ITGA10: variants seen among roughly 807,000 people sequenced by gnomAD.
The protein encoded by ITGA10 is integrin alpha-10.
ITGA10 carries 105 observed loss-of-function variants against 145.2 expected under a neutral mutation model. The observed-to-expected ratio is 0.72, with a 90% CI of 0.62 to 0.85. The LOEUF (loss-of-function observed/expected upper bound fraction) is 0.85. Among genes scored for constraint, ITGA10 ranks in the 40% least tolerant of loss-of-function variants. ITGA10 has a pLI of 0.00. For missense variants in ITGA10, 1,317 were observed against 1,444.5 expected (o/e 0.91, Z 1.43); for synonymous variants, 506 against 557.8 (o/e 0.91, Z 1.31).
Position 145,910,003 on chromosome 1 carries a change from G to T in ITGA10, c.12C>A (p.Pro4=). The stretch of plus-strand genomic sequence containing the variant: ...GGGGCAAGAACAGGTGAGTGACGAA[G>T]GGGAGTTCCATGCCTGATCGGTTTC... MEL[P]FVTHLFLPLV... Residue 4 remains proline (P), a synonymous_variant, in exon 1 of 30, where the codon CCC becomes CCA. Coordinates refer to ENST00000369304, the MANE Select transcript of ITGA10 (RefSeq NM_003637.5). The T allele has an allele frequency of 6.2e-7, 1 of 1,613,188 alleles. No homozygotes were observed. The highest frequency in any genetic ancestry group is 8.5e-7 in the Non-Finnish European group (1 of 1,179,402).
rs781959521 is a variant in ITGA10, at chr1:145,904,753, G to A, written c.540C>T (p.Pro180=). The A allele has an allele frequency of 2.7e-5, 43 of 1,613,724 alleles. No individual in the cohort carries two copies. Among genetic ancestry groups the A allele is most frequent in the Non-Finnish European group, 3.5e-5 (41 of 1,179,758 alleles). ...GTAGGAAGGTCTGAACTTCAGACCAGGGGTAGATGCTGTTGGAGCCATCCA... is the reference window on the plus strand; with the variant it reads ...GTAGGAAGGTCTGAACTTCAGACCAAGGGTAGATGCTGTTGGAGCCATCCA... The part of the protein sequence containing the change: ...IVLDGSNSIY[P]WSEVQTFLRR... The change falls in exon 6 of 30, where the codon CCC becomes CCT. Residue 180 remains proline (P), a synonymous_variant. Coordinates refer to ENST00000369304, the MANE Select transcript of ITGA10 (RefSeq NM_003637.5).
Position 145,897,852 on chromosome 1 carries a change from G to C in ITGA10, c.2395C>G (p.Leu799Val), listed in dbSNP as rs1655656175. The C allele has an allele frequency of 3.1e-6, 5 of 1,614,114 alleles. No homozygotes were observed. The highest frequency in any genetic ancestry group is 4.2e-6 in the Non-Finnish European group (5 of 1,180,014). The change falls in exon 19 of 30, where the codon CTG (leucine) becomes GTG (valine). Residue 799 changes from leucine (L) to valine (V), a missense_variant. Physicochemically the swap from Leu to Val is conservative, Grantham distance 32. Coordinates refer to ENST00000369304, the MANE Select transcript of ITGA10 (RefSeq NM_003637.5). Reference sequence around the variant, plus strand: ...ATGTCCATATTCACTTGAAGCACCAGGTCTGTGACACATTCATTGTCAGGG... The same window carrying C: ...ATGTCCATATTCACTTGAAGCACCACGTCTGTGACACATTCATTGTCAGGG... ...CGPDNECVTDLVLQVNMDIRG... is the reference protein window; with the variant it reads ...CGPDNECVTDVVLQVNMDIRG...
At chr1:145,906,535 C>T in intron 4 of ITGA10, 27 bp from the exon 5 acceptor site, 1 of 1,601,832 alleles carries the variant, frequency 6.2e-7, no homozygotes, top group South Asian at 1.1e-5. Context: ...TAGTTACTCC[C>T]AGGCTTGGGA....
intron 5 of ITGA10, among the ~76,000 whole-genome samples, chr1:145,905,357 G>A (rs1553750710): frequency 6.6e-6 from 1 of 151,516 alleles, no homozygotes; most frequent in Non-Finnish European, 1.5e-5. Flanking sequence ...TCGGCTCACT[G>A]CAAGCTCTGC....
At chr1:145,893,683 G>T in intron 27 of ITGA10, 48 bp from the exon 28 acceptor site, 2 of 1,443,114 alleles carry the variant, frequency 1.4e-6, no homozygotes, top group South Asian at 2.4e-5. Flanking sequence ...CCATTATCAG[G>T]TGATATAGTT....
chr1:145,901,658 G>C lies in ITGA10; in HGVS notation c.1301C>G (p.Ser434Cys). 6.4e-7 allele frequency: 1 copy of C among 1,568,896 alleles called. No individual in the cohort carries two copies. Among genetic ancestry groups the C allele is most frequent in the Non-Finnish European group, 8.6e-7 (1 of 1,159,814 alleles). ...ACCCCGCAAAAGCATGGAAGAAACAGAGTAACCTAGAAGTGGGCAAAGTAA... is the reference window on the plus strand; with the variant it reads ...ACCCCGCAAAAGCATGGAAGAAACACAGTAACCTAGAAGTGGGCAAAGTAA... ...LQNHAAYLGY[S>C]VSSMLLRGGR... is the part of the protein sequence containing the mutation. Residue 434 changes from serine to cysteine, a missense_variant, in exon 12 of 30, where the codon TCT (serine) becomes TGT (cysteine). By Grantham distance (112) the Ser-to-Cys change is moderately radical. Transcript: ENST00000369304. The surrounding 1 kb of genome is among the most constrained non-coding windows in gnomAD (Gnocchi z 4.3).
chr1:145,902,060 T>C (rs782799265), intron 10 of ITGA10, 39 bp from the exon 11 acceptor site: 25 of 1,600,534 alleles, frequency 1.6e-5, no homozygotes, highest in Non-Finnish European at 2.0e-5. Context: ...GAGAAGACAG[T>C]GGGGAATAAA....
In ITGA10 at chr1:145,904,822, G is replaced by T; in HGVS notation, c.482-11C>A. Reference sequence around the variant, plus strand: ...TGTATGTTGGGCAGCCTAGAAGGAAGGAGAACACTGAGGTAGAGGACACTG... The same window carrying T: ...TGTATGTTGGGCAGCCTAGAAGGAATGAGAACACTGAGGTAGAGGACACTG... On this transcript the variant is annotated splice_polypyrimidine_tract_variant and intron_variant, in intron 5 of 29. Coordinates refer to ENST00000369304, the MANE Select transcript of ITGA10 (RefSeq NM_003637.5). 5 of 1,613,394 alleles carry T rather than the reference G, an allele frequency of 3.1e-6. No homozygotes were observed. Among genetic ancestry groups the T allele is most frequent in the Non-Finnish European group, 4.2e-6 (5 of 1,179,464 alleles).
In ITGA10 at chr1:145,897,545, A is replaced by G. The variant is rs1236873593; in HGVS notation, c.2541T>C (p.Ser847=). ...TGAGACTGGCCAGGTGGAGGTTTCT[A>G]GAGAAGATGAGACTCAGGCTCGTAT... The part of the protein sequence containing the change: ...AYNTSLSLIF[S]RNLHLASLTP... The change falls in exon 20 of 30, where the codon TCT becomes TCC. Residue 847 remains serine (S), a synonymous_variant. Transcript: ENST00000369304. 27 of 1,613,996 alleles carry G rather than the reference A, an allele frequency of 1.7e-5. No homozygotes were observed. The highest frequency in any genetic ancestry group is 8.9e-5 in the East Asian group (4 of 44,894).
In ITGA10 at chr1:145,905,108, A is replaced by G. The variant is rs587612084; in HGVS notation, c.482-297T>C. ...TACATAGATATAATTTATATATACA[A>G]TGTTCTAAAAAACAAGAAGGAATTA... is the stretch of plus-strand genomic sequence containing the variant. On this transcript the variant is annotated intron_variant, in intron 5 of 29. Coordinates refer to ENST00000369304, the MANE Select transcript of ITGA10 (RefSeq NM_003637.5). 3.3e-5 allele frequency among the ~76,000 whole-genome samples: 5 copies of G among 152,186 alleles called. No individual in the cohort carries two copies. The East Asian group carries it at 9.6e-4, about 29-fold the overall frequency.
chr1:145,891,985 A>G lies in ITGA10; in HGVS notation c.*813T>C, dbSNP rs1238756534. 1 of 152,396 alleles carries G rather than the reference A, an allele frequency of 6.6e-6. No individual in the cohort carries two copies. Among genetic ancestry groups the G allele is most frequent in the Non-Finnish European group, 1.5e-5 (1 of 68,106 alleles). The allele number at this position is 152,396 out of a possible 1,614,324, so 9.4% of individuals were successfully genotyped here. A position where few individuals can be genotyped will look rare whatever the true frequency, so the allele number is the denominator to read the frequency against. On this transcript the variant is annotated 3_prime_UTR_variant, in exon 30 of 30. Transcript: ENST00000369304. ...GAGAAAATACTGCCTAGGTACACCC[A>G]GTCCTCCCTGCTATTCCAGCTCCAG...
At chr1:145,895,178 G>A (rs587658563) in intron 27 of ITGA10, 102 bp downstream of exon 27, 1 of 757,690 alleles carries the variant, frequency 1.3e-6, no homozygotes, top group South Asian at 1.6e-5. Flanking sequence ...GCTAGTAAGA[G>A]GCAAAAGTGA....
chr1:145,898,052 C>G, intron 18 of ITGA10, 58 bp downstream of exon 18: 2 of 1,388,408 alleles, frequency 1.4e-6, no homozygotes, highest in Non-Finnish European at 2.1e-6. Flanking sequence ...CCCTCCCTCC[C>G]TTTTCTCTTG....
Position 145,891,782 on chromosome 1 carries a change from C to G in ITGA10, c.*1016G>C, listed in dbSNP as rs781876708. 1 of 152,314 alleles carries G rather than the reference C, an allele frequency of 6.6e-6. No homozygotes were observed. Among genetic ancestry groups the G allele is most frequent in the South Asian group, 2.1e-4 (1 of 4,828 alleles). The allele number at this position is 152,314 out of a possible 1,614,324, so 9.4% of individuals were successfully genotyped here. A position where few individuals can be genotyped will look rare whatever the true frequency, so the allele number is the denominator to read the frequency against. ...GCTTGCTCCCCAGAGCCCCATGCCA[C>G]CCATGTAGGTTTCTTAATGCAGACT... is the stretch of plus-strand genomic sequence containing the variant. On this transcript the variant is annotated 3_prime_UTR_variant, in exon 30 of 30. Coordinates refer to ENST00000369304, the MANE Select transcript of ITGA10 (RefSeq NM_003637.5).
chr1:145,896,958 A>T, intron 22 of ITGA10, 53 bp downstream of exon 22: 1 of 1,556,686 alleles, frequency 6.4e-7, no homozygotes, highest in Non-Finnish European at 8.9e-7. Context: ...CCACCCCTCC[A>T]GTCAAGACTC....
At chr1:145,908,845 G>A (rs1553752249) in intron 1 of ITGA10, among the ~76,000 whole-genome samples, 1 of 152,110 alleles carries the variant, frequency 6.6e-6, no homozygotes, top group African/African-American at 2.4e-5. Context: ...CCAGAGTTCT[G>A]ACCACATAGT....
Position 145,897,309 on chromosome 1 carries a change from C to T in ITGA10, c.2605G>A (p.Ala869Thr), listed in dbSNP as rs782217182. 1.1e-5 allele frequency: 17 copies of T among 1,613,948 alleles called. No homozygotes were observed. The highest frequency in any genetic ancestry group is 5.3e-5 in the African/African-American group (4 of 74,880). Residue 869 changes from alanine (A) to threonine (T), a missense_variant, in exon 21 of 30, where the codon GCC becomes ACC. Ala to Thr is a moderately conservative substitution (Grantham distance 58). Coordinates refer to ENST00000369304, the MANE Select transcript of ITGA10 (RefSeq NM_003637.5). Reference protein sequence around the residue: ...RESPIKVECAAPSAHARLCSV... With the variant: ...RESPIKVECATPSAHARLCSV... The stretch of plus-strand genomic sequence containing the variant: ...CAGAGCCGGGCATGAGCAGAAGGGG[C>T]GGCACATTCCACCTTTATTGGGCTC...
intron 8 of ITGA10, 91 bp downstream of exon 8, chr1:145,902,720 G>A: frequency 6.5e-7 from 1 of 1,540,482 alleles, no homozygotes; most frequent in Admixed American, 2.0e-5. Context: ...TAATGCCCTT[G>A]TTTTCCTCAA....
chr1:145,896,723 T>C (rs782087991), intron 23 of ITGA10, 46 bp downstream of exon 23: 6 of 1,446,570 alleles, frequency 4.1e-6, no homozygotes, highest in Admixed American at 1.7e-5. Context: ...CATAAGGGTA[T>C]GAGTCTGAGG....
Sources: gnomAD v4.1 joint callset for allele counts (sites outside exome capture counted in the v4.1 genomes callset) on GRCh38, gnomAD v4.1.1 for gene constraint, Gnocchi (gnomAD v3.1) non-coding constraint, MANE v1.5 for transcripts, NCBI Gene and HGNC (gene_info 2026-07-23, HGNC 2026-07-21) for gene names.